The following TTC28 variants were observed in gnomAD, a reference collection of about 807,000 sequenced individuals.
The protein encoded by TTC28 is tetratricopeptide repeat domain 28.
Under a neutral mutation model 198.0 loss-of-function variants are expected in TTC28, and 61 were observed. The observed-to-expected ratio is 0.31, with a 90% CI of 0.25 to 0.38. The LOEUF is 0.38. TTC28 is among the 10% of genes least tolerant of loss of function. The pLI is 1.00. For missense variants in TTC28, 2,678 were observed against 3,164.0 expected, an observed-to-expected ratio of 0.85 and a Z score of 3.69; for synonymous variants, 1,171 against 1,297.8, an observed-to-expected ratio of 0.90 and a Z score of 2.10.
At chr22:28,304,974 A>T (rs139101284) in intron 3 of TTC28, among the ~76,000 whole-genome samples, 23,074 of 132,850 alleles carry the variant, frequency 0.17, 2,308 homozygotes, top group Non-Finnish European at 0.24. Context: ...TTTATTTATT[A>T]TTTATTTATT....
rs1442269374 is a variant in TTC28, at chr22:28,629,637, G to C, written c.296C>G (p.Ser99Cys). 1 of 1,551,680 alleles carries C rather than the reference G, an allele frequency of 6.4e-7. No homozygotes were observed. Among genetic ancestry groups the C allele is most frequent in the South Asian group, 1.2e-5 (1 of 84,062 alleles). The change falls in exon 2 of 23, where the codon TCT (serine) becomes TGT (cysteine). Residue 99 changes from serine (S) to cysteine (C), a missense_variant. This residue lies in a region of TTC28 where 176 missense variants were observed against 197.9 expected (regional missense o/e 0.89). Coordinates refer to ENST00000397906, the MANE Select transcript of TTC28 (RefSeq NM_001145418.2). ...PQNCILYSNR[S>C]AAYMKIQQYD... ...CTGCTGGATTTTCATGTAGGCTGCA[G>C]ATCTATTGCTGTATAAGATGCAGTT...
At position 28,580,015 on chromosome 22, in the gene TTC28, TACAC is replaced by T. The variant is rs921570896; in HGVS notation, c.381+49533_381+49536del. ...ACACACACACACATACACACACACA[TACAC>T]ACATATATATAAAACTAGATAAACA... is the stretch of plus-strand genomic sequence containing the variant. On this transcript the variant is annotated intron_variant, in intron 2 of 22. Transcript: ENST00000397906. Among the ~76,000 whole-genome samples the T allele has an allele frequency of 2.0e-3, 305 of 151,382 alleles. 2 individuals carry two copies. The highest frequency in any genetic ancestry group is 6.4e-3 in the African/African-American group (264 of 41,302).
intron 12 of TTC28, among the ~76,000 whole-genome samples, chr22:28,038,506 A>G (rs2146662486): frequency 6.6e-6 from 1 of 152,340 alleles, no homozygotes; most frequent in Admixed American, 6.5e-5. Flanking sequence ...TACACCTTAT[A>G]CAAAAATTAA....
intron 6 of TTC28, among the ~76,000 whole-genome samples, chr22:28,156,542 C>T (rs1263466306): frequency 6.6e-6 from 1 of 152,176 alleles, no homozygotes; most frequent in East Asian, 1.9e-4. Context: ...GAATAAGAAA[C>T]TAAGGCAGAT....
At chr22:28,592,127 A>C in intron 2 of TTC28, among the ~76,000 whole-genome samples, 1 of 152,062 alleles carries the variant, frequency 6.6e-6, no homozygotes, top group Non-Finnish European at 1.5e-5. Flanking sequence ...GACATGAACT[A>C]GGTTATGAAG....
chr22:28,646,082 C>A (rs2051461263), intron 1 of TTC28, among the ~76,000 whole-genome samples: 1 of 151,892 alleles, frequency 6.6e-6, no homozygotes, highest in South Asian at 2.1e-4. Flanking sequence ...AACACTCAGG[C>A]CAGAGAAAAA....
chr22:28,632,144 C>T (rs73432205), intron 1 of TTC28, among the ~76,000 whole-genome samples: 20,678 of 151,282 alleles, frequency 0.14, 1,657 homozygotes, highest in African/African-American at 0.2. Flanking sequence ...CACATATGAG[C>T]GACTGTTCTT....
At chr22:28,278,638 G>C (rs2044518528) in intron 5 of TTC28, among the ~76,000 whole-genome samples, 1 of 152,118 alleles carries the variant, frequency 6.6e-6, no homozygotes. Context: ...CTTCATCGTA[G>C]CACTTTCTTG....
intron 2 of TTC28, among the ~76,000 whole-genome samples, chr22:28,534,905 C>T (rs1312315119): frequency 7.8e-5 from 11 of 141,234 alleles, no homozygotes; most frequent in Middle Eastern, 3.2e-3. Flanking sequence ...CACACCGGGA[C>T]GTGTTGTGGG....
chr22:28,337,890 T>C (rs2145896597), intron 2 of TTC28, among the ~76,000 whole-genome samples: 1 of 152,366 alleles, frequency 6.6e-6, no homozygotes, highest in East Asian at 1.9e-4. Flanking sequence ...TTTATGATGT[T>C]AGCTGGTTAT....
chr22:28,335,840 T>C (rs2045706450), intron 2 of TTC28, among the ~76,000 whole-genome samples: 1 of 152,232 alleles, frequency 6.6e-6, no homozygotes, highest in African/African-American at 2.4e-5. Context: ...TTTCTTCTCC[T>C]GCCTGATTGC....
Position 28,138,124 on chromosome 22 carries a change from C to T in TTC28, c.1441+24968G>A, listed in dbSNP as rs149555108. On this transcript the variant is annotated intron_variant, in intron 6 of 22. Transcript: ENST00000397906. ...GGAGATGTGTCAAGGAATTTGTGGA[C>T]GTATTTTAAAACCATCATGCTCCTT... 6.3e-3 allele frequency among the ~76,000 whole-genome samples: 951 copies of T among 152,156 alleles called. 11 individuals carry two copies. Among genetic ancestry groups the T allele is most frequent in the Admixed American group, 0.029 (441 of 15,280 alleles).
chr22:28,448,813 C>G (rs143780363), intron 2 of TTC28, among the ~76,000 whole-genome samples: 22 of 152,294 alleles, frequency 1.4e-4, no homozygotes, highest in African/African-American at 5.3e-4. Context: ...CAAAGCAGAT[C>G]ACCTCTGACC....
chr22:28,653,174 TG>T (rs1387348859), intron 1 of TTC28, among the ~76,000 whole-genome samples: 11 of 152,172 alleles, frequency 7.2e-5, no homozygotes. Flanking sequence ...ATTCCCTCTT[TG>T]GAGCAGGTCT....
chr22:27,984,465 C>T (rs1198890818), intron 22 of TTC28, among the ~76,000 whole-genome samples: 1 of 152,104 alleles, frequency 6.6e-6, no homozygotes. Context: ...ACAGGCCCCT[C>T]CTCATCCTTG....
intron 2 of TTC28, among the ~76,000 whole-genome samples, chr22:28,527,833 A>G (rs577995167): frequency 6.6e-6 from 1 of 152,166 alleles, no homozygotes; most frequent in South Asian, 2.1e-4. Context: ...GGGTCTCACC[A>G]TGTTGCCCAG....
chr22:28,330,416 A>C (rs1416494519), intron 2 of TTC28, among the ~76,000 whole-genome samples: 2 of 152,098 alleles, frequency 1.3e-5, no homozygotes, highest in African/African-American at 2.4e-5. Flanking sequence ...GTCGTCTTTG[A>C]CTTGTTAGGG....
At chr22:28,248,560 G>A (rs1004491523) in intron 5 of TTC28, among the ~76,000 whole-genome samples, 3 of 151,910 alleles carry the variant, frequency 2.0e-5, no homozygotes, top group Non-Finnish European at 4.4e-5. Context: ...CAATAGTTAA[G>A]AAAGAGGAGG....
At chr22:28,275,749 AAAAG>A (rs961873253) in intron 5 of TTC28, among the ~76,000 whole-genome samples, 7 of 152,034 alleles carry the variant, frequency 4.6e-5, no homozygotes, top group Admixed American at 1.3e-4. Flanking sequence ...AAACAAAAAA[AAAAG>A]AAAAAGAAAA....
Sources: allele counts gnomAD v4.1 joint callset (sites outside exome capture counted in the v4.1 genomes callset), GRCh38; gene constraint gnomAD v4.1.1; regional missense constraint gnomAD v4.1.1; transcripts MANE v1.5; gene names NCBI Gene and HGNC (gene_info 2026-07-23, HGNC 2026-07-21).